Variants in RBFOX1 observed in about 807,000 individuals in gnomAD.
The protein encoded by RBFOX1 is RNA binding protein fox-1 homolog 1.
A neutral mutation model predicts 57.7 loss-of-function variants in RBFOX1; 8 were observed. The ratio of observed to expected loss-of-function variants is 0.14; its 90% CI spans 0.08 to 0.25. The LOEUF (loss-of-function observed/expected upper bound fraction) is 0.25, where lower values mean the gene tolerates loss of function less well. Among genes scored for constraint, RBFOX1 ranks in the 10% least tolerant of loss-of-function variants. The pLI is 1.00. For synonymous variants in RBFOX1, 326 were observed against 222.4 expected (o/e 1.47, Z -4.15); for missense variants, 611 against 548.5 (o/e 1.11, Z -1.14).
At chr16:5,739,022 C>A (rs1447025090) in intron 3 of RBFOX1, among the ~76,000 whole-genome samples, 1 of 152,188 alleles carries the variant, frequency 6.6e-6, no homozygotes, top group Non-Finnish European at 1.5e-5. Flanking sequence ...GCCTGAATCT[C>A]AAGTTTAGAA....
intron 2 of RBFOX1, among the ~76,000 whole-genome samples, chr16:5,577,048 T>C (rs1384579588): frequency 1.3e-5 from 2 of 152,160 alleles, no homozygotes; most frequent in Admixed American, 1.3e-4. Flanking sequence ...ATTTCCCTCT[T>C]CCCCTGTCTT....
chr16:6,587,313 A>G (rs1423345657), intron 2 of RBFOX1, among the ~76,000 whole-genome samples: 8 of 151,640 alleles, frequency 5.3e-5, no homozygotes, highest in Non-Finnish European at 1.2e-4. Flanking sequence ...ACAAAGTCTC[A>G]CTCTGTCACC....
chr16:7,168,666 C>T (rs550760403), intron 4 of RBFOX1, among the ~76,000 whole-genome samples: 25 of 152,310 alleles, frequency 1.6e-4, no homozygotes, highest in African/African-American at 6.0e-4. Context: ...TCCACCACTT[C>T]TAGCCATAAC....
chr16:7,367,396 C>T (rs1322773293), intron 4 of RBFOX1, among the ~76,000 whole-genome samples: 3 of 152,148 alleles, frequency 2.0e-5, no homozygotes, highest in Non-Finnish European at 4.4e-5. Context: ...TCCTCTGGTC[C>T]CTCTCTCTTC....
intron 2 of RBFOX1, among the ~76,000 whole-genome samples, chr16:5,577,483 GC>G (rs2046502972): frequency 6.6e-6 from 1 of 152,170 alleles, no homozygotes; most frequent in Admixed American, 6.5e-5. Context: ...ACACCTGTGA[GC>G]TTTTTCCTCC....
intron 2 of RBFOX1, among the ~76,000 whole-genome samples, chr16:5,552,430 G>C (rs1476468757): frequency 1.3e-5 from 2 of 152,156 alleles, no homozygotes; most frequent in African/African-American, 4.8e-5. Flanking sequence ...TGCTCACATA[G>C]CCCAAGAGGT....
chr16:6,622,773 T>A (rs1349003863), intron 2 of RBFOX1, among the ~76,000 whole-genome samples: 1 of 152,232 alleles, frequency 6.6e-6, no homozygotes, highest in Non-Finnish European at 1.5e-5. Flanking sequence ...ATGATTTAAA[T>A]GATTTATTTA....
intron 3 of RBFOX1, among the ~76,000 whole-genome samples, chr16:5,848,896 C>A (rs1382582827): frequency 1.3e-5 from 2 of 151,972 alleles, no homozygotes; most frequent in Non-Finnish European, 2.9e-5. Context: ...TTGCAGTGAG[C>A]CGAGATCATG....
intron 3 of RBFOX1, among the ~76,000 whole-genome samples, chr16:5,790,830 C>T (rs1019486279): frequency 7.0e-4 from 105 of 151,052 alleles, no homozygotes; most frequent in African/African-American, 2.4e-3. Flanking sequence ...GCCCTCTGCC[C>T]GTTTTGGGGA....
intron 1 of RBFOX1, among the ~76,000 whole-genome samples, chr16:6,279,808 G>C (rs146928083): frequency 3.4e-4 from 51 of 152,112 alleles, no homozygotes; most frequent in African/African-American, 1.2e-3. Context: ...ATAAACAAAA[G>C]ATAATGATAA....
At chr16:5,814,680 G>C (rs1043288610) in intron 3 of RBFOX1, among the ~76,000 whole-genome samples, 7 of 152,300 alleles carry the variant, frequency 4.6e-5, no homozygotes, top group Admixed American at 2.6e-4. Flanking sequence ...TGTAATCCCA[G>C]CACTTTGGGA....
At chr16:5,426,396 C>T (rs1231717827) in intron 1 of RBFOX1, among the ~76,000 whole-genome samples, 1 of 152,162 alleles carries the variant, frequency 6.6e-6, no homozygotes, top group Admixed American at 6.5e-5. Flanking sequence ...TAGATAAAAG[C>T]ACCAATTCCA....
At chr16:6,025,508 T>G (rs1012307304) in intron 1 of RBFOX1, among the ~76,000 whole-genome samples, 3 of 152,234 alleles carry the variant, frequency 2.0e-5, no homozygotes, top group Admixed American at 6.5e-5. Context: ...TGTGTTCTTG[T>G]GTGCCTGCAT....
rs151321147 is a variant in RBFOX1 at position 6,035,188 on chromosome 16, T to G, written c.-127+15196T>G. Among the ~76,000 whole-genome samples, 320 of 152,288 alleles carry G rather than the reference T, an allele frequency of 2.1e-3. 2 individuals carry two copies. The highest frequency in any genetic ancestry group is 7.5e-3 in the African/African-American group (312 of 41,568). On this transcript the variant is annotated intron_variant, in intron 1 of 15. Coordinates refer to ENST00000550418, the MANE Select transcript of RBFOX1 (RefSeq NM_018723.4). ...GCCAAACGTCCCTGGGGTAGAACCT[T>G]GCCCCACTAACTCAGACAAAGAGCA...
At chr16:6,112,254 G>C (rs1245670470) in intron 1 of RBFOX1, among the ~76,000 whole-genome samples, 2 of 152,182 alleles carry the variant, frequency 1.3e-5, no homozygotes, top group Non-Finnish European at 2.9e-5. Context: ...ATTGAGAACA[G>C]TGTCTGGAAT....
chr16:5,765,659 C>T (rs2053751556), intron 3 of RBFOX1, among the ~76,000 whole-genome samples: 1 of 152,088 alleles, frequency 6.6e-6, no homozygotes, highest in African/African-American at 2.4e-5. Context: ...TTTTGCAATT[C>T]AACCGAAAAT....
At chr16:7,625,495 G>A (rs1026618248) in intron 10 of RBFOX1, among the ~76,000 whole-genome samples, 3 of 152,040 alleles carry the variant, frequency 2.0e-5, no homozygotes, top group African/African-American at 7.2e-5. Context: ...TTCCTGCATG[G>A]GGGCCCCAGA....
chr16:7,583,302 T>C (rs2093917968), intron 6 of RBFOX1, among the ~76,000 whole-genome samples: 1 of 152,146 alleles, frequency 6.6e-6, no homozygotes, highest in South Asian at 2.1e-4. Context: ...TATTAAATGG[T>C]TCATTGGAAG....
rs540482521 is a variant in RBFOX1, at chr16:6,513,488, C to G, written c.-63-141115C>G. Among the ~76,000 whole-genome samples, 5 of 152,276 alleles carry G rather than the reference C, an allele frequency of 3.3e-5. No individual in the cohort carries two copies. The South Asian group carries it at 1.0e-3, about 32-fold the overall frequency. On this transcript the variant is annotated intron_variant, in intron 2 of 15. Transcript: ENST00000550418. ...GTGGCTCACGTCTGTAATCTCATCACTTTGGGAGGTCGAGGCAGGCGGATC... is the reference window on the plus strand; with the variant it reads ...GTGGCTCACGTCTGTAATCTCATCAGTTTGGGAGGTCGAGGCAGGCGGATC...
Sources: allele counts gnomAD v4.1 joint callset (sites outside exome capture counted in the v4.1 genomes callset), GRCh38; gene constraint gnomAD v4.1.1; transcripts MANE v1.5; gene names NCBI Gene and HGNC (gene_info 2026-07-23, HGNC 2026-07-21).